Variants in WNT9A observed in about 807,000 individuals in gnomAD.
The protein encoded by WNT9A is protein Wnt-9a.
In WNT9A, 8 loss-of-function variants were observed where a neutral mutation model predicts 31.4. That is an observed-to-expected ratio of 0.26 (90% CI 0.15 to 0.46). WNT9A has a LOEUF of 0.46. WNT9A is among the 20% of genes least tolerant of loss of function. WNT9A has a pLI of 0.99. For synonymous variants in WNT9A, 236 were observed against 220.1 expected (o/e 1.07, Z -0.64); for missense variants, 457 against 522.9 (o/e 0.87, Z 1.23).
Position 227,921,501 on chromosome 1 carries a change from T to A in WNT9A, c.*17A>T, listed in dbSNP as rs1414064811. 1 of 1,597,206 alleles carries A rather than the reference T, an allele frequency of 6.3e-7. No individual in the cohort carries two copies. Among genetic ancestry groups the A allele is most frequent in the African/African-American group, 1.3e-5 (1 of 74,796 alleles). ...ATGCCTGCACCCTGTGCAGCAGGGC[T>A]GGCAGGGCCTGGGAACTCAGCCCTT... On this transcript the variant is annotated 3_prime_UTR_variant, in exon 4 of 4. Coordinates refer to ENST00000272164, the MANE Select transcript of WNT9A (RefSeq NM_003395.4).
intron 3 of WNT9A, among the ~76,000 whole-genome samples, chr1:227,923,226 G>A (rs1451772284): frequency 2.0e-5 from 3 of 152,144 alleles, no homozygotes; most frequent in African/African-American, 7.2e-5. Context: ...GCTCACAGCA[G>A]GGCCGGCTCT....
rs1666427974 is a variant in WNT9A at position 227,926,826 on chromosome 1, C to G, written c.96-1307G>C. 6.6e-6 allele frequency among the ~76,000 whole-genome samples: 1 copy of G among 152,072 alleles called. No individual in the cohort carries two copies. Among genetic ancestry groups the G allele is most frequent in the Non-Finnish European group, 1.5e-5 (1 of 67,976 alleles). ...GGCCCTGCTAGACCCTGCCACCCAC[C>G]CCGAGGGAGTAGCTCCTGCCCAACG... On this transcript the variant is annotated intron_variant, in intron 1 of 3. Coordinates refer to ENST00000272164, the MANE Select transcript of WNT9A (RefSeq NM_003395.4). The surrounding 1 kb of genome is among the most constrained non-coding windows in gnomAD (Gnocchi z 5.0).
Position 227,927,275 on chromosome 1 carries a change from C to A in WNT9A, c.96-1756G>T, listed in dbSNP as rs974663679. Among the ~76,000 whole-genome samples the A allele has an allele frequency of 7.2e-5, 11 of 152,212 alleles. No individual in the cohort carries two copies. In the South Asian group the frequency reaches 8.3e-4, roughly 11 times the overall value. On this transcript the variant is annotated intron_variant, in intron 1 of 3. Transcript: ENST00000272164. ...GGACACACACCCATGTGCCAGGCTGCCAGGGAGTGGGTAGAGGAGGAGCCC... is the reference window on the plus strand; with the variant it reads ...GGACACACACCCATGTGCCAGGCTGACAGGGAGTGGGTAGAGGAGGAGCCC...
chr1:227,936,585 G>A (rs538110130), intron 1 of WNT9A, among the ~76,000 whole-genome samples: 18 of 150,548 alleles, frequency 1.2e-4, no homozygotes, highest in East Asian at 5.9e-4. Flanking sequence ...TCCACCCACC[G>A]CAGCCTCACA....
Position 227,924,288 on chromosome 1 carries a change from G to A in WNT9A, c.465C>T (p.Pro155=), listed in dbSNP as rs199595786. 28 of 1,613,790 alleles carry A rather than the reference G, an allele frequency of 1.7e-5. No homozygotes were observed. The highest frequency in any genetic ancestry group is 3.3e-4 in the Middle Eastern group (2 of 6,062). ...RMERCTCDEA[P]DLENREAWQW... is the part of the protein sequence containing the mutation. ...GCCAGGCCTCACGGTTCTCCAGGTC[G>A]GGTGCCTCATCGCAGGTACAGCGCT... The change falls in exon 3 of 4, where the codon CCC becomes CCT. Residue 155 remains proline, a synonymous_variant. Transcript: ENST00000272164.
At chr1:227,922,835 C>G (rs761933891) in intron 3 of WNT9A, among the ~76,000 whole-genome samples, 1 of 152,174 alleles carries the variant, frequency 6.6e-6, no homozygotes, top group Non-Finnish European at 1.5e-5. Flanking sequence ...TCTGCTCCCA[C>G]GCCAGCAGCC....
rs1572136132 is a variant in WNT9A, at chr1:227,942,385, G to A, written c.95+5408C>T. On this transcript the variant is annotated intron_variant, in intron 1 of 3. Transcript: ENST00000272164. This position sits in a 1 kb window ranked among gnomAD's most constrained non-coding sequence, Gnocchi z 5.7. ...GAGGAAGGCCACCAGCGCCTGCAGG[G>A]GCCATCAGGCTGACACTCCAGACCC... Among the ~76,000 whole-genome samples, 1 of 152,096 alleles carries A rather than the reference G, an allele frequency of 6.6e-6. No homozygotes were observed. The highest frequency in any genetic ancestry group is 1.9e-4 in the East Asian group (1 of 5,166).
In WNT9A at chr1:227,938,814, A is replaced by G. The variant is rs148691147; in HGVS notation, c.95+8979T>C. Among the ~76,000 whole-genome samples, 22 of 152,312 alleles carry G rather than the reference A, an allele frequency of 1.4e-4. No individual in the cohort carries two copies. The East Asian group carries it at 1.7e-3, about 12-fold the overall frequency. On this transcript the variant is annotated intron_variant, in intron 1 of 3. Coordinates refer to ENST00000272164, the MANE Select transcript of WNT9A (RefSeq NM_003395.4). ...GTCTCATGTCTTCATGTCCTAAACT[A>G]CCTGGTGAGTGTGTTTTTGACTCTG...
At chr1:227,937,480 T>C (rs990332093) in intron 1 of WNT9A, among the ~76,000 whole-genome samples, 1 of 152,260 alleles carries the variant, frequency 6.6e-6, no homozygotes, top group East Asian at 1.9e-4. Flanking sequence ...ATAAGAGGCA[T>C]TGCAGAAGTA....
intron 1 of WNT9A, among the ~76,000 whole-genome samples, chr1:227,932,988 A>G (rs1302039665): frequency 6.6e-6 from 1 of 152,222 alleles, no homozygotes; most frequent in African/African-American, 2.4e-5. Flanking sequence ...GCTTTAACTT[A>G]AAAGTTACCA....
intron 3 of WNT9A, among the ~76,000 whole-genome samples, chr1:227,922,743 C>T (rs1157438311): frequency 6.6e-6 from 1 of 152,216 alleles, no homozygotes; most frequent in Non-Finnish European, 1.5e-5. Context: ...TGGGCCTGTC[C>T]CCTCCCAGGA....
intron 1 of WNT9A, among the ~76,000 whole-genome samples, chr1:227,946,662 A>C (rs998850761): frequency 6.6e-6 from 1 of 152,264 alleles, no homozygotes; most frequent in South Asian, 2.1e-4. Context: ...ACACAAAGGG[A>C]AAGTTTCCCA....
intron 1 of WNT9A, among the ~76,000 whole-genome samples, chr1:227,940,855 A>G (rs1352176220): frequency 6.6e-6 from 1 of 152,204 alleles, no homozygotes; most frequent in Non-Finnish European, 1.5e-5. Flanking sequence ...GGCTCCTGGG[A>G]GGGCCCAGGC....
Position 227,924,239 on chromosome 1 carries a change from G to C in WNT9A, c.514C>G (p.Leu172Val), listed in dbSNP as rs768525868. 6.2e-7 allele frequency: 1 copy of C among 1,613,784 alleles called. No individual in the cohort carries two copies. Residue 172 changes from leucine (L) to valine (V), a missense_variant, in exon 3 of 4, where the codon CTT becomes GTT. Physicochemically the swap from Leu to Val is conservative, Grantham distance 32. Transcript: ENST00000272164. ...AWQWGGCGDN[L>V]KYSSKFVKEF... ...TTGACGAACTTGCTGCTGTACTTAA[G>C]GTTGTCTCCGCAGCCCCCCCACTGC...
In WNT9A at chr1:227,921,602, G is replaced by C. The variant is rs1365163263; in HGVS notation, c.1014C>G (p.Pro338=). ...AGCACCAACGCACCTGGCACTGGCA[G>C]GGCCTTGTCACCACCCGGCTCTGTG... is the stretch of plus-strand genomic sequence containing the variant. The part of the protein sequence containing the change: ...HNTQSRVVTR[P]CQCQVRWCCY... Residue 338 remains proline (P), a synonymous_variant, in exon 4 of 4, where the codon CCC becomes CCG. Transcript: ENST00000272164. 6.2e-7 allele frequency: 1 copy of C among 1,613,538 alleles called. No individual in the cohort carries two copies. The highest frequency in any genetic ancestry group is 1.1e-5 in the South Asian group (1 of 91,092).
intron 1 of WNT9A, among the ~76,000 whole-genome samples, chr1:227,940,807 G>A (rs557618583): frequency 5.3e-5 from 8 of 152,340 alleles, no homozygotes; most frequent in African/African-American, 7.2e-5. Context: ...GGCGGGCAGC[G>A]GCGCCCAGCC....
intron 1 of WNT9A, among the ~76,000 whole-genome samples, chr1:227,933,377 G>T (rs1270837985): frequency 6.6e-6 from 1 of 152,236 alleles, no homozygotes; most frequent in Admixed American, 6.5e-5. Flanking sequence ...TTAAGGGAAT[G>T]CTGTGGCTGG....
Position 227,925,437 on chromosome 1 carries a change from C to G in WNT9A, c.178G>C (p.Asp60His). 2 of 1,595,794 alleles carry G rather than the reference C, an allele frequency of 1.3e-6. No individual in the cohort carries two copies. The highest frequency in any genetic ancestry group is 1.7e-6 in the Non-Finnish European group (2 of 1,174,404). ...TGCTTCCGCTCCAGCTTCAGCCGGT[C>G]GCAGGCCTTGTAGTGCGCCTGGGCA... ...AAAQAHYKAC[D>H]RLKLERKQRR... Residue 60 changes from aspartate (D) to histidine (H), a missense_variant, in exon 2 of 4, where the codon GAC (aspartate) becomes CAC (histidine). Transcript: ENST00000272164. The surrounding 1 kb of genome is among the most constrained non-coding windows in gnomAD (Gnocchi z 6.0).
At position 227,924,282 on chromosome 1, in the gene WNT9A, C is replaced by G; in HGVS notation, c.471G>C (p.Leu157=). ...CCCACTGCCAGGCCTCACGGTTCTC[C>G]AGGTCGGGTGCCTCATCGCAGGTAC... ...ERCTCDEAPD[L]ENREAWQWGG... is the part of the protein sequence containing the mutation. The change falls in exon 3 of 4, where the codon CTG becomes CTC. Residue 157 remains leucine (L), a synonymous_variant. Coordinates refer to ENST00000272164, the MANE Select transcript of WNT9A (RefSeq NM_003395.4). 1 of 1,613,862 alleles carries G rather than the reference C, an allele frequency of 6.2e-7. No individual in the cohort carries two copies. Among genetic ancestry groups the G allele is most frequent in the South Asian group, 1.1e-5 (1 of 91,078 alleles).
Sources: gnomAD v4.1 joint callset for allele counts (sites outside exome capture counted in the v4.1 genomes callset) on GRCh38, gnomAD v4.1.1 for gene constraint, Gnocchi (gnomAD v3.1) non-coding constraint, MANE v1.5 for transcripts, NCBI Gene and HGNC (gene_info 2026-07-23, HGNC 2026-07-21) for gene names.